RHOBTB1: variants seen among roughly 807,000 people sequenced by gnomAD.
The protein encoded by RHOBTB1 is Rho related BTB domain containing 1.
A neutral mutation model predicts 71.6 loss-of-function variants in RHOBTB1; 40 were observed. The observed-to-expected ratio is 0.56, with a 90% CI of 0.43 to 0.73. The LOEUF is 0.73. Among genes scored for constraint, RHOBTB1 ranks in the 30% least tolerant of loss-of-function variants. The pLI is 0.00. For missense variants in RHOBTB1, 797 were observed against 894.0 expected (o/e 0.89, Z 1.38); for synonymous variants, 319 against 334.9 (o/e 0.95, Z 0.52).
chr10:60,871,358 G>T lies in RHOBTB1; in HGVS notation c.*124C>A. On this transcript the variant is annotated 3_prime_UTR_variant, in exon 11 of 11. Coordinates refer to ENST00000337910, the MANE Select transcript of RHOBTB1 (RefSeq NM_014836.5). ...AGATAAATGCACAAAAGTGGAGGAAGATCAGTGCCCGAAACCTGAACTATG... is the reference window on the plus strand; with the variant it reads ...AGATAAATGCACAAAAGTGGAGGAATATCAGTGCCCGAAACCTGAACTATG... 1 of 881,904 alleles carries T rather than the reference G, an allele frequency of 1.1e-6. No homozygotes were observed. Among genetic ancestry groups the T allele is most frequent in the Non-Finnish European group, 1.7e-6 (1 of 581,640 alleles). The allele number at this position is 881,904 out of a possible 1,614,324, so 54.6% of individuals were successfully genotyped here. A position where few individuals can be genotyped will look rare whatever the true frequency, so the allele number is the denominator to read the frequency against.
At chr10:60,865,795 A>G (rs2080633475), downstream of RHOBTB1, among the ~76,000 whole-genome samples, 1 of 152,052 alleles carries the variant, frequency 6.6e-6, no homozygotes, top group South Asian at 2.1e-4. Flanking sequence ...TCACCTTGGG[A>G]GGCTTTGATT....
intron 2 of RHOBTB1, among the ~76,000 whole-genome samples, chr10:60,982,835 T>C (rs2086545700): frequency 1.3e-5 from 2 of 152,096 alleles, no homozygotes; most frequent in South Asian, 4.1e-4. Context: ...CACAATGACA[T>C]TGAGGTTGAA....
At chr10:60,976,161 T>C (rs1316954610) in intron 2 of RHOBTB1, among the ~76,000 whole-genome samples, 2 of 151,990 alleles carry the variant, frequency 1.3e-5, no homozygotes, top group African/African-American at 2.4e-5. Context: ...CCAGGGGTAC[T>C]AGATATTGCA....
intron 4 of RHOBTB1, among the ~76,000 whole-genome samples, chr10:60,899,954 G>A (rs2082335299): frequency 6.6e-6 from 1 of 152,164 alleles, no homozygotes; most frequent in Admixed American, 6.5e-5. Context: ...AGAAGCCCTT[G>A]GGGAAGGGAG....
chr10:60,942,856 G>A lies in RHOBTB1; in HGVS notation c.-61-1002C>T, dbSNP rs536517181. ...ATACAAAGATGAAACCACCGATAAC[G>A]GTATTTTTTTTTTTTTCTGTTTAGA... On this transcript the variant is annotated intron_variant, in intron 1 of 10. Coordinates refer to ENST00000337910, the MANE Select transcript of RHOBTB1 (RefSeq NM_014836.5). Among the ~76,000 whole-genome samples the A allele has an allele frequency of 6.2e-3, 668 of 107,190 alleles. 2 individuals carry two copies. Among genetic ancestry groups the A allele is most frequent in the Non-Finnish European group, 8.6e-3 (501 of 58,348 alleles). The allele number at this position is 107,190 out of a possible 152,430, so 70.3% of individuals were successfully genotyped here.
At chr10:60,988,704 A>G (rs764035728) in intron 1 of RHOBTB1, among the ~76,000 whole-genome samples, 29 of 152,198 alleles carry the variant, frequency 1.9e-4, no homozygotes, top group Non-Finnish European at 3.2e-4. Context: ...TCAATCCACC[A>G]CTGATGGGCA....
At chr10:60,959,758 G>T (rs951521633) in intron 2 of RHOBTB1, among the ~76,000 whole-genome samples, 5 of 152,032 alleles carry the variant, frequency 3.3e-5, no homozygotes, top group African/African-American at 1.2e-4. Flanking sequence ...TAACTAGATG[G>T]GACTTGGAAT....
At chr10:60,878,266 G>C (rs1020048446) in intron 7 of RHOBTB1, among the ~76,000 whole-genome samples, 14 of 152,180 alleles carry the variant, frequency 9.2e-5, no homozygotes, top group African/African-American at 2.9e-4. Flanking sequence ...GGAGCTGCCT[G>C]ACACAGCCTG....
chr10:60,902,369 C>T (rs2082452537), intron 4 of RHOBTB1, among the ~76,000 whole-genome samples: 1 of 152,230 alleles, frequency 6.6e-6, no homozygotes, highest in Admixed American at 6.5e-5. Flanking sequence ...AATAATCCAC[C>T]TTTAATTGTT....
chr10:60,976,955 T>G (rs2086337086), intron 2 of RHOBTB1, among the ~76,000 whole-genome samples: 1 of 152,002 alleles, frequency 6.6e-6, no homozygotes, highest in Admixed American at 6.6e-5. Flanking sequence ...AACTTTTGCA[T>G]GTGGAATTAG....
intron 4 of RHOBTB1, among the ~76,000 whole-genome samples, chr10:60,905,696 G>A (rs989227821): frequency 6.6e-6 from 1 of 151,964 alleles, no homozygotes; most frequent in African/African-American, 2.4e-5. Flanking sequence ...CCACCTCCTG[G>A]TCCACTTGAA....
intron 4 of RHOBTB1, among the ~76,000 whole-genome samples, chr10:60,907,404 C>T (rs1320639599): frequency 2.0e-5 from 3 of 152,166 alleles, no homozygotes; most frequent in African/African-American, 7.2e-5. Flanking sequence ...CAAAAAAGAG[C>T]AGCTGATCAA....
At chr10:60,878,811 TG>T (rs558203773) in intron 7 of RHOBTB1, among the ~76,000 whole-genome samples, 78 of 152,262 alleles carry the variant, frequency 5.1e-4, no homozygotes, top group Non-Finnish European at 1.1e-3. Context: ...AGGCACTGCC[TG>T]GGAGGTGGAG....
At chr10:60,918,386 T>C (rs548606226) in intron 2 of RHOBTB1, among the ~76,000 whole-genome samples, 53 of 152,298 alleles carry the variant, frequency 3.5e-4, no homozygotes, top group African/African-American at 1.3e-3. Flanking sequence ...CCCTCTCTTA[T>C]GAAAGAGACT....
At chr10:60,956,673 T>G (rs1565131916) in intron 2 of RHOBTB1, among the ~76,000 whole-genome samples, 2 of 151,860 alleles carry the variant, frequency 1.3e-5, no homozygotes, top group African/African-American at 2.4e-5. Context: ...TTTTTTTTTT[T>G]GTTAAAATCT....
intron 2 of RHOBTB1, among the ~76,000 whole-genome samples, chr10:60,970,337 G>A (rs1221674915): frequency 6.6e-6 from 1 of 151,994 alleles, no homozygotes; most frequent in Admixed American, 6.6e-5. Context: ...ACTAAACCCT[G>A]CTCTCTTCAG....
chr10:60,960,054 G>A (rs994771623), intron 2 of RHOBTB1, among the ~76,000 whole-genome samples: 1 of 152,196 alleles, frequency 6.6e-6, no homozygotes, highest in Admixed American at 6.5e-5. Context: ...AGGTGTTGTA[G>A]AAAGCTTTGA....
intron 1 of RHOBTB1, among the ~76,000 whole-genome samples, chr10:60,997,476 T>C (rs779886462): frequency 4.6e-5 from 7 of 152,238 alleles, no homozygotes; most frequent in Admixed American, 6.5e-5. Flanking sequence ...AATGTAATAC[T>C]TTAGCAAGGA....
Position 60,888,472 on chromosome 10 carries a change from A to G in RHOBTB1, c.1196T>C (p.Val399Ala), listed in dbSNP as rs1208150771. The G allele has an allele frequency of 6.2e-7, 1 of 1,614,052 alleles. No individual in the cohort carries two copies. The highest frequency in any genetic ancestry group is 1.1e-5 in the South Asian group (1 of 91,088). ...CTGGACTGAAGCGTCCATCCTGACC[A>G]CAGTCATGGGCCCCATCCGCTTTGA... ...PISKRMGPMT[V>A]VRMDASVQPG... The change falls in exon 6 of 11, where the codon GTG (valine) becomes GCG (alanine). Residue 399 changes from valine to alanine, a missense_variant. By Grantham distance (64) the Val-to-Ala change is moderately conservative (BLOSUM62 0). Around this residue, in one of 2 missense-constraint regions of RHOBTB1, gnomAD observed 658 missense variants for 681.5 expected, o/e 0.97. Transcript: ENST00000337910.
Sources: gnomAD v4.1 joint callset for allele counts (sites outside exome capture counted in the v4.1 genomes callset) on GRCh38, gnomAD v4.1.1 for gene constraint, gnomAD v4.1.1 regional missense constraint, MANE v1.5 for transcripts, NCBI Gene and HGNC (gene_info 2026-07-23, HGNC 2026-07-21) for gene names.